NEBL: variants seen among roughly 807,000 people sequenced by gnomAD.
NEBL encodes nebulette, also known as LIM and SH3 protein 2.
Under a neutral mutation model 140.2 loss-of-function variants are expected in NEBL, and 122 were observed. The observed-to-expected ratio is 0.87, with a 90% confidence interval of 0.75 to 1.01. NEBL has a LOEUF of 1.01. NEBL is among the 50% of genes least tolerant of loss of function. The pLI, the probability that NEBL is intolerant of heterozygous loss-of-function variation, is 0.00. For synonymous variants in NEBL, 436 were observed against 398.9 expected, an observed-to-expected ratio of 1.09 and a Z score of -1.11; for missense variants, 1,365 against 1,231.3, an observed-to-expected ratio of 1.11 and a Z score of -1.62.
At chr10:20,805,856 A>T (rs1837566994) in intron 26 of NEBL, among the ~76,000 whole-genome samples, 1 of 152,012 alleles carries the variant, frequency 6.6e-6, no homozygotes, top group Non-Finnish European at 1.5e-5. Flanking sequence ...CCGTCTCAAA[A>T]AAAAAAAAAA....
chr10:20,963,190 A>G (rs899016016), intron 3 of NEBL, among the ~76,000 whole-genome samples: 1 of 152,208 alleles, frequency 6.6e-6, no homozygotes, highest in African/African-American at 2.4e-5. Flanking sequence ...TCTTCCACAT[A>G]AAATGCTGAG....
At chr10:20,935,031 T>A (rs12260681) in intron 4 of NEBL, among the ~76,000 whole-genome samples, 6,660 of 152,254 alleles carry the variant, frequency 0.044, 435 homozygotes, top group African/African-American at 0.14. Flanking sequence ...AAACACTTAC[T>A]GAAGGCCAAT....
At chr10:21,230,029 G>C (rs974928376) in intron 3 of NEBL, among the ~76,000 whole-genome samples, 2 of 152,184 alleles carry the variant, frequency 1.3e-5, no homozygotes, top group Admixed American at 6.5e-5. Context: ...CCAGTTCATG[G>C]TTCATCAGAT....
At chr10:21,287,501 T>C (rs1843073229) in intron 1 of NEBL, among the ~76,000 whole-genome samples, 1 of 152,062 alleles carries the variant, frequency 6.6e-6, no homozygotes, top group African/African-American at 2.4e-5. Flanking sequence ...CGGCCACTGC[T>C]CTTCAGCTTG....
At chr10:21,035,570 C>T (rs1833981289) in intron 2 of NEBL, among the ~76,000 whole-genome samples, 1 of 152,074 alleles carries the variant, frequency 6.6e-6, no homozygotes, top group African/African-American at 2.4e-5. Context: ...TAAACTAAAA[C>T]TCAATAGGTC....
chr10:21,291,617 T>G (rs1179487238), intron 1 of NEBL, among the ~76,000 whole-genome samples: 1 of 151,562 alleles, frequency 6.6e-6, no homozygotes, highest in African/African-American at 2.4e-5. Flanking sequence ...ATGGCAATTA[T>G]GAAAAATAAA....
At position 20,852,527 on chromosome 10, in the gene NEBL, G is replaced by T. The variant is rs75903914; in HGVS notation, c.1008+18C>A. The T allele has an allele frequency of 3.2e-6, 5 of 1,577,476 alleles. No individual in the cohort carries two copies. The African/African-American group carries it at 6.7e-5, about 21-fold the overall frequency. On this transcript the variant is annotated intron_variant, in intron 10 of 27. Transcript: ENST00000377122. Reference sequence around the variant, plus strand: ...GTTGCTGGCAGGGAGGGTAGGTACCGTACGGGCAAGTGTGTACCTGACTTT... The same window carrying T: ...GTTGCTGGCAGGGAGGGTAGGTACCTTACGGGCAAGTGTGTACCTGACTTT...
chr10:21,279,528 A>T (rs1842966265), intron 1 of NEBL, among the ~76,000 whole-genome samples: 1 of 152,006 alleles, frequency 6.6e-6, no homozygotes, highest in Non-Finnish European at 1.5e-5. Flanking sequence ...GCAGTTTGGG[A>T]GGCCAAGAAG....
At chr10:21,113,154 G>C (rs1838114743) in intron 2 of NEBL, 1 of 290,838 alleles carries the variant, frequency 3.4e-6, no homozygotes, top group Admixed American at 4.3e-5. Flanking sequence ...AGGAGATTTT[G>C]ATGATGAGGA....
chr10:21,265,123 A>C (rs1842784024), intron 1 of NEBL, among the ~76,000 whole-genome samples: 1 of 151,838 alleles, frequency 6.6e-6, no homozygotes, highest in African/African-American at 2.4e-5. Flanking sequence ...GGGTTTTACC[A>C]TGTTGGCCAG....
intron 9 of NEBL, among the ~76,000 whole-genome samples, chr10:20,855,522 A>AAC (rs5783753): frequency 0.5 from 67,511 of 135,398 alleles, 16,245 homozygotes; most frequent in Non-Finnish European, 0.59. Context: ...AAACAAAACA[A>AAC]AACAAAAAAA....
intron 11 of NEBL, among the ~76,000 whole-genome samples, chr10:20,847,201 G>T (rs945632265): frequency 7.2e-5 from 11 of 152,062 alleles, no homozygotes; most frequent in African/African-American, 2.7e-4. Context: ...CTTTGTCTAA[G>T]ACTTTTAGCT....
rs11012437 is a variant in NEBL, at chr10:20,977,905, C to T, written c.250-16126G>A. On this transcript the variant is annotated intron_variant, in intron 3 of 6. Coordinates refer to the NEBL transcript ENST00000417816. ...CTGTAACTCAAGCCTAACGTTCCTG[C>T]TCATCTCTAGGATTTGCTCGGAAAC... Among the ~76,000 whole-genome samples the T allele has an allele frequency of 0.02, 2,989 of 152,224 alleles. 386 individuals are homozygous for T. In the East Asian group the frequency reaches 0.36, roughly 18 times the overall value.
rs764795037 is a variant in NEBL, at chr10:20,819,523, G to C, written c.1963-7C>G. On this transcript the variant is annotated splice_polypyrimidine_tract_variant and splice_region_variant and intron_variant, in intron 19 of 27. Transcript: ENST00000377122. ...TTTGCTCTTTATACTGGAGCTGAGA[G>C]ACAAGGTGCAAGACAGTTTGAGATT... 4 of 1,613,878 alleles carry C rather than the reference G, an allele frequency of 2.5e-6. No individual in the cohort carries two copies. The Admixed American group carries it at 6.7e-5, about 27-fold the overall frequency.
chr10:20,947,158 T>C (rs558838724), intron 4 of NEBL, among the ~76,000 whole-genome samples: 13 of 152,198 alleles, frequency 8.5e-5, no homozygotes, highest in Non-Finnish European at 1.9e-4. Flanking sequence ...ATTTCAGCAA[T>C]GCCTGTGGAT....
chr10:20,818,005 G>A (rs964098841), intron 20 of NEBL, among the ~76,000 whole-genome samples: 55 of 152,182 alleles, frequency 3.6e-4, no homozygotes, highest in Admixed American at 3.6e-3. Context: ...CCAGAATGAA[G>A]TCATTACAAG....
intron 4 of NEBL, among the ~76,000 whole-genome samples, chr10:20,886,661 G>A (rs1846548280): frequency 6.6e-6 from 1 of 152,194 alleles, no homozygotes; most frequent in South Asian, 2.1e-4. Flanking sequence ...CCATATTCAT[G>A]TGCCGGCGCT....
intron 4 of NEBL, among the ~76,000 whole-genome samples, chr10:20,911,247 C>G (rs1416604213): frequency 1.3e-5 from 2 of 152,122 alleles, no homozygotes; most frequent in Non-Finnish European, 2.9e-5. Flanking sequence ...ATAAAATACT[C>G]ATAAACTCTC....
At chr10:20,891,599 C>T (rs1847038177) in intron 2 of NEBL, among the ~76,000 whole-genome samples, 1 of 152,156 alleles carries the variant, frequency 6.6e-6, no homozygotes, top group South Asian at 2.1e-4. Flanking sequence ...GCAGAACGTT[C>T]AGGACAGGAG....
Sources: allele counts gnomAD v4.1 joint callset (sites outside exome capture counted in the v4.1 genomes callset), GRCh38; gene constraint gnomAD v4.1.1; transcripts MANE v1.5; gene names NCBI Gene and HGNC (gene_info 2026-07-23, HGNC 2026-07-21).